RUNDC3A: variants seen among roughly 807,000 people sequenced by gnomAD.
RUNDC3A encodes the protein RUN domain containing 3A.
A neutral mutation model predicts 53.9 loss-of-function variants in RUNDC3A; 28 were observed. The ratio of observed to expected loss-of-function variants is 0.52; its 90% confidence interval spans 0.38 to 0.71. The LOEUF (loss-of-function observed/expected upper bound fraction) is 0.71, where lower values mean the gene tolerates loss of function less well. Among genes scored for constraint, RUNDC3A ranks in the 30% least tolerant of loss-of-function variants. The pLI, the probability that RUNDC3A is intolerant of heterozygous loss-of-function variation, is 0.00. For missense variants in RUNDC3A, 491 were observed against 597.3 expected, an observed-to-expected ratio of 0.82 and a Z score of 1.85; for synonymous variants, 232 against 249.4, an observed-to-expected ratio of 0.93 and a Z score of 0.66.
Position 44,317,728 on chromosome 17 carries a change from G to C in RUNDC3A, c.1199-368G>C, listed in dbSNP as rs1158782668. On this transcript the variant is annotated intron_variant, in intron 10 of 10. Coordinates refer to ENST00000426726, the MANE Select transcript of RUNDC3A (RefSeq NM_001144825.2). ...CATCACACTGTGTTTGTGATTGTCT[G>C]TGTGTCTGTCTCCCCCACCAGACTG... 9.7e-6 allele frequency: 6 copies of C among 616,746 alleles called. No homozygotes were observed. In the East Asian group the frequency reaches 1.6e-4, roughly 17 times the overall value. 38.2% of individuals were successfully genotyped at this position (616,746 alleles called of 1,614,324 possible). A position where few individuals can be genotyped will look rare whatever the true frequency, so the allele number is the denominator to read the frequency against.
intron 4 of RUNDC3A, 174 bp downstream of exon 4, chr17:44,313,677 T>C: frequency 1.8e-6 from 2 of 1,141,616 alleles, no homozygotes; most frequent in Middle Eastern, 3.2e-4. Flanking sequence ...CAGGACGAAC[T>C]CTTTTTTTTT....
At chr17:44,317,031 T>C in intron 10 of RUNDC3A, 1 of 408,516 alleles carries the variant, frequency 2.4e-6, no homozygotes, top group East Asian at 4.2e-5. Context: ...ATTTGTGTAT[T>C]TTTAGTAGAG....
At chr17:44,312,840 C>A in intron 2 of RUNDC3A, 145 bp downstream of exon 2, 1 of 607,164 alleles carries the variant, frequency 1.6e-6, no homozygotes, top group Non-Finnish European at 2.9e-6. Context: ...ACTCCATGGA[C>A]TCTGAACCCC....
Position 44,316,514 on chromosome 17 carries a change from C to T in RUNDC3A, c.1083C>T (p.Leu361=). The change falls in exon 9 of 11, where the codon CTC becomes CTT. Residue 361 remains leucine (L), a synonymous_variant. Transcript: ENST00000426726. ...CCGAGGGCGCCAGCAACTCCAAGCT[C>T]TACCGGAGGTAAGCCCCAGCCAGGT... is the stretch of plus-strand genomic sequence containing the variant. ...NGAEGASNSK[L]YRRHSFMSTE... The T allele has an allele frequency of 6.2e-7, 1 of 1,612,738 alleles. No individual in the cohort carries two copies. Among genetic ancestry groups the T allele is most frequent in the Non-Finnish European group, 8.5e-7 (1 of 1,179,528 alleles).
At chr17:44,309,389 G>C (rs1420136863) in intron 1 of RUNDC3A, among the ~76,000 whole-genome samples, 1 of 152,218 alleles carries the variant, frequency 6.6e-6, no homozygotes. Flanking sequence ...TTCTGGAGCA[G>C]GGATGGGCAG....
chr17:44,317,336 A>C, intron 10 of RUNDC3A: 1 of 698,228 alleles, frequency 1.4e-6, no homozygotes, highest in South Asian at 1.5e-5. Flanking sequence ...ATGTTGTCAC[A>C]TGGTGAGGGC....
intron 1 of RUNDC3A, among the ~76,000 whole-genome samples, chr17:44,311,995 G>A (rs987704294): frequency 2.0e-5 from 3 of 152,162 alleles, no homozygotes; most frequent in East Asian, 1.9e-4. Context: ...GGAAGGAAAG[G>A]GGGGAAGGGG....
At chr17:44,311,416 G>A (rs1291424762) in intron 1 of RUNDC3A, 4 of 872,864 alleles carry the variant, frequency 4.6e-6, no homozygotes, top group Admixed American at 6.2e-5. Context: ...ATGTGACTCC[G>A]AACAGATCAG....
rs905266218 is a variant in RUNDC3A, at chr17:44,318,083, C to T, written c.1199-13C>T. 6.5e-7 allele frequency: 1 copy of T among 1,550,070 alleles called. No individual in the cohort carries two copies. The highest frequency in any genetic ancestry group is 8.7e-7 in the Non-Finnish European group (1 of 1,145,820). The stretch of plus-strand genomic sequence containing the variant: ...AGACTGGTCGCTTGGCCTCACCTGC[C>T]CTCTCTCCCCAGGGAAGGACCCCAC... On this transcript the variant is annotated splice_polypyrimidine_tract_variant and intron_variant, in intron 10 of 10. Transcript: ENST00000426726.
chr17:44,311,291 G>A (rs2047743334), intron 1 of RUNDC3A: 1 of 985,418 alleles, frequency 1.0e-6, no homozygotes, highest in African/African-American at 1.7e-5. Flanking sequence ...CGGTGGAGCA[G>A]GGGCTGCTCC....
rs544272285 is a variant in RUNDC3A at position 44,315,919 on chromosome 17, C to T, written c.953+310C>T. Among the ~76,000 whole-genome samples the T allele has an allele frequency of 5.8e-4, 89 of 152,246 alleles. No homozygotes were observed. Among genetic ancestry groups the T allele is most frequent in the African/African-American group, 2.0e-3 (82 of 41,538 alleles). ...TCACTCACAAGGACCTGCGGTGTTG[C>T]TCTGCAACCTTCAACACGATTGCAT... is the stretch of plus-strand genomic sequence containing the variant. On this transcript the variant is annotated intron_variant, in intron 8 of 10. Transcript: ENST00000426726. This position sits in a 1 kb window ranked among gnomAD's most constrained non-coding sequence, Gnocchi z 6.1.
At chr17:44,314,097 C>T (rs755866699) in intron 4 of RUNDC3A, 249 of 992,286 alleles carry the variant, frequency 2.5e-4, no homozygotes, top group Non-Finnish European at 2.9e-4. Flanking sequence ...CATGCACCAT[C>T]TCAAGTGTTG....
At chr17:44,312,737 CCCCTCCCCCAGTGGT>C (rs2047774125) in intron 2 of RUNDC3A, 42 bp downstream of exon 2, 4 of 1,006,088 alleles carry the variant, frequency 4.0e-6, no homozygotes, top group Non-Finnish European at 5.6e-6. Context: ...TCCCCCAGCG[CCCCTCCCCCAGTGGT>C]CCCTCCCCCA....
chr17:44,310,639 A>C, intron 1 of RUNDC3A: 1 of 951,888 alleles, frequency 1.1e-6, no homozygotes, highest in Non-Finnish European at 1.3e-6. Context: ...TTAGCAGGCC[A>C]TGGGCTCCCC....
At chr17:44,310,972 T>C in intron 1 of RUNDC3A, 1 of 985,520 alleles carries the variant, frequency 1.0e-6, no homozygotes, top group Non-Finnish European at 1.2e-6. Context: ...GGCACCTACC[T>C]TCTCCCAACC....
intron 1 of RUNDC3A, chr17:44,311,078 T>G (rs2047740272): frequency 1.0e-6 from 1 of 985,460 alleles, no homozygotes; most frequent in Non-Finnish European, 1.2e-6. Context: ...CAAGGCCACG[T>G]GAGTGCCACA....
chr17:44,314,441 T>C lies in RUNDC3A; in HGVS notation c.459-294T>C, dbSNP rs1041743628. ...TGCGCACCTACTGTATACCAAGCACTAATGATTAAGACTTGCTTCCTGATA... is the reference window on the plus strand; with the variant it reads ...TGCGCACCTACTGTATACCAAGCACCAATGATTAAGACTTGCTTCCTGATA... On this transcript the variant is annotated intron_variant, in intron 4 of 10. Transcript: ENST00000426726. The C allele has an allele frequency of 2.3e-6, 3 of 1,320,532 alleles. No individual in the cohort carries two copies. In the African/African-American group the frequency reaches 4.4e-5, roughly 20 times the overall value. 81.8% of individuals were successfully genotyped at this position (1,320,532 alleles called of 1,614,324 possible). A position where few individuals can be genotyped will look rare whatever the true frequency, so the allele number is the denominator to read the frequency against.
In RUNDC3A at chr17:44,308,675, G is replaced by C; in HGVS notation, c.-158G>C. ...TGGCATCGCCGCCGGGGGAGGGAGCGAGGGGGCCGGGCACCGGGCGCAAAG... is the reference window on the plus strand; with the variant it reads ...TGGCATCGCCGCCGGGGGAGGGAGCCAGGGGGCCGGGCACCGGGCGCAAAG... On this transcript the variant is annotated 5_prime_UTR_variant, in exon 1 of 11. Transcript: ENST00000426726. 2.1e-6 allele frequency: 1 copy of C among 465,774 alleles called. No homozygotes were observed. The allele number at this position is 465,774 out of a possible 1,614,324, so 28.9% of individuals were successfully genotyped here. A position where few individuals can be genotyped will look rare whatever the true frequency, so the allele number is the denominator to read the frequency against.
At position 44,312,631 on chromosome 17, in the gene RUNDC3A, C is replaced by T. The variant is rs749468630; in HGVS notation, c.159C>T (p.Asp53=). 1.3e-6 allele frequency: 2 copies of T among 1,587,710 alleles called. No homozygotes were observed. Among genetic ancestry groups the T allele is most frequent in the African/African-American group, 1.3e-5 (1 of 74,418 alleles). ...AGTACACAGCGGAGCCCATCGATGA[C>T]TCATCGGAGGAGTTTGTCAATTTTG... ...LEKYTAEPID[D]SSEEFVNFAA... is the part of the protein sequence containing the mutation. Residue 53 remains aspartate (D), a synonymous_variant, in exon 2 of 11, where the codon GAC becomes GAT. Transcript: ENST00000426726.
Sources: allele counts gnomAD v4.1 joint callset (sites outside exome capture counted in the v4.1 genomes callset), GRCh38; gene constraint gnomAD v4.1.1; non-coding constraint Gnocchi (gnomAD v3.1); transcripts MANE v1.5; gene names NCBI Gene and HGNC (gene_info 2026-07-23, HGNC 2026-07-21).